The following PPP1R9A variants were observed in gnomAD, a reference collection of about 807,000 sequenced individuals.
PPP1R9A encodes neurabin-1.
PPP1R9A carries 59 observed loss-of-function variants against 141.9 expected under a neutral mutation model. That is an observed-to-expected ratio of 0.42 (90% CI 0.34 to 0.52). The LOEUF (loss-of-function observed/expected upper bound fraction) is 0.52, where lower values mean the gene tolerates loss of function less well. Among genes scored for constraint, PPP1R9A ranks in the 20% least tolerant of loss-of-function variants. The pLI is 0.10. For missense variants in PPP1R9A, 1,444 were observed against 1,611.9 expected (o/e 0.90, Z 1.78); for synonymous variants, 500 against 569.7 (o/e 0.88, Z 1.74).
At chr7:94,981,773 G>A (rs1003253776) in intron 2 of PPP1R9A, among the ~76,000 whole-genome samples, 26 of 152,016 alleles carry the variant, frequency 1.7e-4, no homozygotes, top group African/African-American at 6.0e-4. Flanking sequence ...AATTGAGGTT[G>A]TTACAAGTTG....
In PPP1R9A at chr7:95,148,688, CAA is replaced by C. The variant is rs80065854; in HGVS notation, c.1650-13162_1650-13161del. On this transcript the variant is annotated intron_variant, in intron 4 of 19. Transcript: ENST00000433360. Reference sequence around the variant, plus strand: ...GTAAAACCCCAATTCTCTAAAAATACAAAAAAAAAAAAAAAAAATTAACAACC... The same window carrying C: ...GTAAAACCCCAATTCTCTAAAAATACAAAAAAAAAAAAAAAATTAACAACC... Among the ~76,000 whole-genome samples the C allele has an allele frequency of 3.7e-3, 257 of 69,694 alleles. 1 individual carries two copies. The highest frequency in any genetic ancestry group is 7.7e-3 in the African/African-American group (204 of 26,468). The allele number at this position is 69,694 out of a possible 152,430, so 45.7% of individuals were successfully genotyped here.
chr7:95,027,658 A>G (rs1302563748), intron 2 of PPP1R9A, among the ~76,000 whole-genome samples: 1 of 152,202 alleles, frequency 6.6e-6, no homozygotes, highest in Non-Finnish European at 1.5e-5. Flanking sequence ...GACTTTATTT[A>G]AACCTAAATG....
chr7:94,960,462 C>G (rs1024629526), intron 2 of PPP1R9A, among the ~76,000 whole-genome samples: 7 of 151,582 alleles, frequency 4.6e-5, no homozygotes, highest in Non-Finnish European at 8.9e-5. Flanking sequence ...AAATGATAGT[C>G]TGTGTTCCTT....
intron 2 of PPP1R9A, among the ~76,000 whole-genome samples, chr7:95,013,803 T>C (rs7802193): frequency 0.39 from 59,382 of 151,914 alleles, 12,448 homozygotes; most frequent in Middle Eastern, 0.51. Context: ...CCTTCTCAAA[T>C]CTTTCACTTG....
chr7:95,083,382 G>C (rs541664268), intron 2 of PPP1R9A, among the ~76,000 whole-genome samples: 1 of 151,964 alleles, frequency 6.6e-6, no homozygotes, highest in Admixed American at 6.5e-5. Flanking sequence ...CATTCTTCAA[G>C]GGAGAAGGGA....
chr7:95,262,573 GA>G (rs1445665718), intron 12 of PPP1R9A, among the ~76,000 whole-genome samples: 4 of 152,140 alleles, frequency 2.6e-5, no homozygotes, highest in African/African-American at 9.7e-5. Flanking sequence ...TATTACTGAA[GA>G]GTTGTTTCTG....
At chr7:95,096,254 G>T (rs1452032946) in intron 2 of PPP1R9A, among the ~76,000 whole-genome samples, 1 of 152,154 alleles carries the variant, frequency 6.6e-6, no homozygotes, top group Non-Finnish European at 1.5e-5. Context: ...TTTTGTTGCT[G>T]TCATTCTCCC....
intron 2 of PPP1R9A, among the ~76,000 whole-genome samples, chr7:95,073,856 A>G (rs1001760803): frequency 1.3e-5 from 2 of 152,064 alleles, no homozygotes; most frequent in African/African-American, 4.8e-5. Flanking sequence ...TGCTGAGATT[A>G]TAGTCATAAG....
chr7:95,279,183 C>A lies in PPP1R9A; in HGVS notation c.3297-4835C>A, dbSNP rs145673484. Among the ~76,000 whole-genome samples, 508 of 152,288 alleles carry A rather than the reference C, an allele frequency of 3.3e-3. 1 individual carries two copies. Among genetic ancestry groups the A allele is most frequent in the African/African-American group, 0.012 (489 of 41,568 alleles). On this transcript the variant is annotated intron_variant, in intron 16 of 19. Transcript: ENST00000433360. The stretch of plus-strand genomic sequence containing the variant: ...TATACTTCAGGCTGTACTTCATAGG[C>A]TATTTCTCTCAAAGAGGCTTTAGAT...
chr7:95,108,270 TTTTTCTTTTTCTTTTC>T (rs1563246451), intron 2 of PPP1R9A, among the ~76,000 whole-genome samples: 16 of 49,568 alleles, frequency 3.2e-4, no homozygotes, highest in South Asian at 3.0e-3. Flanking sequence ...CATTATTTTC[TTTTTCTTTTTCTTTTC>T]TTTTCTTTTT....
chr7:94,992,218 A>G (rs1005809174), intron 2 of PPP1R9A, among the ~76,000 whole-genome samples: 1 of 152,200 alleles, frequency 6.6e-6, no homozygotes, highest in African/African-American at 2.4e-5. Context: ...ATTTTCTAGG[A>G]TTGTATATAA....
At position 95,161,863 on chromosome 7, in the gene PPP1R9A, A is replaced by G; in HGVS notation, c.1650-4A>G. 6.3e-7 allele frequency: 1 copy of G among 1,592,886 alleles called. No homozygotes were observed. The highest frequency in any genetic ancestry group is 8.6e-7 in the Non-Finnish European group (1 of 1,169,152). On this transcript the variant is annotated splice_region_variant and splice_polypyrimidine_tract_variant and intron_variant, in intron 4 of 19. Transcript: ENST00000433360. ...ATGTGGGTAATTTTTTCCTCTTTCT[A>G]AAGAATACAAGTCAATGACCAGATT...
intron 4 of PPP1R9A, among the ~76,000 whole-genome samples, chr7:95,135,149 C>A (rs1032493519): frequency 3.9e-5 from 6 of 152,086 alleles, no homozygotes; most frequent in Non-Finnish European, 8.8e-5. Context: ...GTCTCTAATG[C>A]CTGCAACACA....
intron 2 of PPP1R9A, among the ~76,000 whole-genome samples, chr7:95,039,226 A>T (rs189552026): frequency 1.3e-5 from 2 of 152,200 alleles, no homozygotes; most frequent in Non-Finnish European, 2.9e-5. Context: ...AGTAGACAAC[A>T]TGCAAGCACA....
chr7:94,959,169 C>T (rs1374274897), intron 2 of PPP1R9A, among the ~76,000 whole-genome samples: 1 of 151,878 alleles, frequency 6.6e-6, no homozygotes, highest in African/African-American at 2.4e-5. Context: ...CTTAGTTACT[C>T]GGTATTTAAT....
At chr7:95,127,501 TTC>T (rs1445424723) in intron 4 of PPP1R9A, among the ~76,000 whole-genome samples, 3 of 111,632 alleles carry the variant, frequency 2.7e-5, no homozygotes, top group African/African-American at 3.9e-5. Context: ...TCTTCTTTTT[TTC>T]TTTCTTTTTT....
At chr7:95,248,667 G>C (rs754004794) in intron 9 of PPP1R9A, among the ~76,000 whole-genome samples, 2 of 151,838 alleles carry the variant, frequency 1.3e-5, no homozygotes, top group African/African-American at 2.4e-5. Context: ...TTTTAATGGC[G>C]CTTATGTATT....
At chr7:94,921,608 A>C (rs906393535) in intron 2 of PPP1R9A, among the ~76,000 whole-genome samples, 2 of 152,188 alleles carry the variant, frequency 1.3e-5, no homozygotes, top group African/African-American at 2.4e-5. Context: ...ATATGTATAA[A>C]ATTATTATTT....
At chr7:94,936,682 GTT>G (rs1794805679) in intron 2 of PPP1R9A, among the ~76,000 whole-genome samples, 1 of 143,562 alleles carries the variant, frequency 7.0e-6, no homozygotes, top group African/African-American at 2.6e-5. Flanking sequence ...GTGTGTGTGT[GTT>G]TGTGTATATA....
Sources: gnomAD v4.1 joint callset for allele counts (sites outside exome capture counted in the v4.1 genomes callset) on GRCh38, gnomAD v4.1.1 for gene constraint, MANE v1.5 for transcripts, NCBI Gene and HGNC (gene_info 2026-07-23, HGNC 2026-07-21) for gene names.